The following IL1RAPL2 variants were observed in gnomAD, a reference collection of about 807,000 sequenced individuals.
The protein encoded by IL1RAPL2 is X-linked interleukin-1 receptor accessory protein-like 2.
Under a neutral mutation model 44.1 loss-of-function variants are expected in IL1RAPL2, and 3 were observed. The observed-to-expected ratio is 0.07, with a 90% CI of 0.03 to 0.18. The LOEUF (loss-of-function observed/expected upper bound fraction) is 0.18, where lower values mean the gene tolerates loss of function less well. Among genes scored for constraint, IL1RAPL2 ranks in the 10% least tolerant of loss-of-function variants. The probability of loss-of-function intolerance (pLI) is 1.00; values close to 1 mark genes in which losing one functional copy is unlikely to be tolerated. For synonymous variants in IL1RAPL2, 181 were observed against 178.8 expected, an observed-to-expected ratio of 1.01 and a Z score of -0.10; for missense variants, 391 against 496.4, an observed-to-expected ratio of 0.79 and a Z score of 2.02.
chrX:105,320,235 A>G (rs1274275774), intron 5 of IL1RAPL2, among the ~76,000 whole-genome samples: 1 of 111,927 alleles, frequency 8.9e-6, no homozygotes, highest in Non-Finnish European at 1.9e-5. Flanking sequence ...TTGAACTGAC[A>G]TTTAGCCCTT....
intron 2 of IL1RAPL2, among the ~76,000 whole-genome samples, chrX:104,792,629 C>G (rs991527227): frequency 7.2e-5 from 8 of 111,164 alleles, no homozygotes; most frequent in African/African-American, 2.6e-4. Flanking sequence ...TAAAGTAGAT[C>G]ATGGGATTGA....
intron 2 of IL1RAPL2, among the ~76,000 whole-genome samples, chrX:104,996,449 A>C (rs1359118270): frequency 8.9e-6 from 1 of 111,887 alleles, no homozygotes; most frequent in Non-Finnish European, 1.9e-5. Flanking sequence ...GGCAATAGTT[A>C]AGCTGAGACT....
chrX:104,614,232 G>A (rs1929225550), intron 1 of IL1RAPL2, among the ~76,000 whole-genome samples: 1 of 110,843 alleles, frequency 9.0e-6, no homozygotes, highest in African/African-American at 3.3e-5. Flanking sequence ...TGCTAGCTTT[G>A]GCGGTAATTT....
chrX:105,035,158 A>C (rs765773569), intron 2 of IL1RAPL2, among the ~76,000 whole-genome samples: 80 of 111,650 alleles, frequency 7.2e-4, no homozygotes, highest in African/African-American at 2.5e-3. Context: ...TTCTTTGACT[A>C]GGAAAGGGAA....
chrX:105,067,783 GTGCACACACACGCGCGCATGCA>G (rs1444776377), intron 2 of IL1RAPL2, among the ~76,000 whole-genome samples: 3 of 111,409 alleles, frequency 2.7e-5, no homozygotes, highest in East Asian at 2.9e-4. Context: ...ACACACACGC[GTGCACACACACGCGCGCATGCA>G]TGCACACACA....
chrX:104,839,145 G>A (rs1053884392), intron 2 of IL1RAPL2, among the ~76,000 whole-genome samples: 4 of 109,788 alleles, frequency 3.6e-5, no homozygotes, highest in East Asian at 5.8e-4. Context: ...CACTGTGCCC[G>A]GCCCTCTTGT....
intron 2 of IL1RAPL2, among the ~76,000 whole-genome samples, chrX:105,114,350 T>G (rs1602960702): frequency 8.9e-6 from 1 of 112,224 alleles, no homozygotes; most frequent in East Asian, 2.8e-4. Context: ...CTACCCAGTT[T>G]ATGGTATTTT....
chrX:104,632,729 A>G (rs1200324386), intron 1 of IL1RAPL2, among the ~76,000 whole-genome samples: 2 of 108,316 alleles, frequency 1.8e-5, no homozygotes, highest in Non-Finnish European at 3.8e-5. Context: ...CTATCAGCTT[A>G]AGGAGATTTT....
chrX:105,661,876 C>T (rs769584540), intron 6 of IL1RAPL2, among the ~76,000 whole-genome samples: 1 of 112,244 alleles, frequency 8.9e-6, no homozygotes, highest in African/African-American at 3.2e-5. Flanking sequence ...TTCATCTTTT[C>T]TTTCTTTTAT....
At chrX:104,635,661 A>T (rs1929783681) in intron 1 of IL1RAPL2, among the ~76,000 whole-genome samples, 1 of 111,376 alleles carries the variant, frequency 9.0e-6, no homozygotes. Flanking sequence ...TGCATTTGTC[A>T]TGTAGTTCTC....
chrX:105,692,669 G>GA (rs11298771), intron 6 of IL1RAPL2, among the ~76,000 whole-genome samples: 81 of 98,485 alleles, frequency 8.2e-4, no homozygotes, highest in East Asian at 1.6e-3. Context: ...AATGCTGAAT[G>GA]AAAAAAAAAA....
chrX:104,916,494 T>C (rs1187902108), intron 2 of IL1RAPL2, among the ~76,000 whole-genome samples: 1 of 111,620 alleles, frequency 9.0e-6, no homozygotes, highest in Non-Finnish European at 1.9e-5. Context: ...TTTCTAGATA[T>C]ACAATCATGT....
chrX:105,634,588 G>C (rs989180217), intron 6 of IL1RAPL2, among the ~76,000 whole-genome samples: 1 of 111,654 alleles, frequency 9.0e-6, no homozygotes, highest in Non-Finnish European at 1.9e-5. Context: ...AGATAAAGCA[G>C]AAATGGTTCT....
intron 2 of IL1RAPL2, among the ~76,000 whole-genome samples, chrX:105,145,940 G>A (rs1465900014): frequency 7.2e-5 from 8 of 111,022 alleles, no homozygotes; most frequent in Non-Finnish European, 1.1e-4. Context: ...TAGATCAAAA[G>A]GGTGGAGCCC....
At chrX:104,980,420 A>G (rs1449013382) in intron 2 of IL1RAPL2, among the ~76,000 whole-genome samples, 1 of 111,461 alleles carries the variant, frequency 9.0e-6, no homozygotes, top group Non-Finnish European at 1.9e-5. Context: ...TGAAAATATT[A>G]TTTTCACATT....
chrX:104,948,496 A>C (rs1428897930), intron 2 of IL1RAPL2, among the ~76,000 whole-genome samples: 27 of 98,112 alleles, frequency 2.8e-4, no homozygotes, highest in Non-Finnish European at 5.0e-4. Context: ...GTCTTGTGCC[A>C]GTTTTCAAAG....
At chrX:105,569,080 C>T (rs1308724463) in intron 6 of IL1RAPL2, among the ~76,000 whole-genome samples, 3 of 111,278 alleles carry the variant, frequency 2.7e-5, no homozygotes, top group Admixed American at 9.5e-5. Context: ...TTACGAATGC[C>T]GTCCCAAATC....
rs771769782 is a variant in IL1RAPL2, at chrX:104,620,639, C to CAAAAAAA, written c.-19-38231_-19-38225dup. Among the ~76,000 whole-genome samples the CAAAAAAA allele has an allele frequency of 1.5e-3, 22 of 14,591 alleles. 3 individuals are homozygous for CAAAAAAA. Among genetic ancestry groups the CAAAAAAA allele is most frequent in the Admixed American group, 4.9e-3 (3 of 612 alleles). The allele number at this position is 14,591 out of a possible 115,157, so 12.7% of individuals were successfully genotyped here. On this transcript the variant is annotated intron_variant, in intron 1 of 10. Coordinates refer to ENST00000372582, the MANE Select transcript of IL1RAPL2 (RefSeq NM_017416.2). ...TGGGTGACAGAGCGAGAGTCTGTCT[C>CAAAAAAA]AAAAAAAAAAAAAAAAAAAAAAAAA...
At chrX:105,599,060 A>C (rs188322048) in intron 6 of IL1RAPL2, among the ~76,000 whole-genome samples, 1 of 112,444 alleles carries the variant, frequency 8.9e-6, no homozygotes, top group Admixed American at 9.4e-5. Context: ...GAAACCAATA[A>C]GTCTACATTC....
Sources: gnomAD v4.1 joint callset for allele counts (sites outside exome capture counted in the v4.1 genomes callset) on GRCh38, gnomAD v4.1.1 for gene constraint, MANE v1.5 for transcripts, NCBI Gene and HGNC (gene_info 2026-07-23, HGNC 2026-07-21) for gene names.